The following GRID2 variants were observed in gnomAD, a reference collection of about 807,000 sequenced individuals.
GRID2 encodes glutamate ionotropic receptor delta type subunit 2, also known as glutamate receptor ionotropic, delta-2.
A neutral mutation model predicts 114.8 loss-of-function variants in GRID2; 33 were observed. The ratio of observed to expected loss-of-function variants is 0.29; its 90% confidence interval spans 0.22 to 0.38. The LOEUF (loss-of-function observed/expected upper bound fraction) is 0.38. Among genes scored for constraint, GRID2 ranks in the 10% least tolerant of loss-of-function variants. GRID2 has a pLI of 1.00. For synonymous variants in GRID2, 505 were observed against 449.9 expected (o/e 1.12, Z -1.55); for missense variants, 1,184 against 1,257.7 (o/e 0.94, Z 0.89).
intron 4 of GRID2, among the ~76,000 whole-genome samples, chr4:93,157,812 C>T (rs1737319973): frequency 6.6e-6 from 1 of 151,642 alleles, no homozygotes; most frequent in Admixed American, 6.6e-5. Context: ...ATCATAAAGG[C>T]TGTATGATAA....
chr4:92,768,348 G>A (rs908997063), intron 2 of GRID2, among the ~76,000 whole-genome samples: 5 of 151,964 alleles, frequency 3.3e-5, no homozygotes, highest in African/African-American at 4.8e-5. Flanking sequence ...CATCCAATCC[G>A]GGCTGGTACT....
chr4:93,089,344 G>T (rs567873325), intron 3 of GRID2, among the ~76,000 whole-genome samples: 1 of 152,240 alleles, frequency 6.6e-6, no homozygotes, highest in South Asian at 2.1e-4. Flanking sequence ...CAATTAGGAA[G>T]GTTTACTTAT....
chr4:92,924,168 A>G (rs1395038875), intron 2 of GRID2, among the ~76,000 whole-genome samples: 1 of 152,108 alleles, frequency 6.6e-6, no homozygotes, highest in Non-Finnish European at 1.5e-5. Context: ...CAAACACCAC[A>G]TGTTCTCACT....
intron 8 of GRID2, among the ~76,000 whole-genome samples, chr4:93,375,721 A>G (rs1271401744): frequency 1.3e-5 from 2 of 152,184 alleles, no homozygotes; most frequent in African/African-American, 4.8e-5. Context: ...TTGTGTGAAA[A>G]CAAACTCTAC....
At chr4:92,630,354 C>G (rs1218382060) in intron 2 of GRID2, among the ~76,000 whole-genome samples, 1 of 152,128 alleles carries the variant, frequency 6.6e-6, no homozygotes, top group Admixed American at 6.6e-5. Context: ...CTTCTTATAT[C>G]TCAGTTATTT....
intron 2 of GRID2, among the ~76,000 whole-genome samples, chr4:92,965,580 A>T (rs1039245177): frequency 2.7e-5 from 4 of 149,810 alleles, no homozygotes; most frequent in Non-Finnish European, 5.9e-5. Flanking sequence ...TTGAGAGTAG[A>T]TGTTTACCTT....
chr4:93,125,495 C>A (rs960061103), intron 4 of GRID2, among the ~76,000 whole-genome samples: 4 of 152,060 alleles, frequency 2.6e-5, no homozygotes, highest in African/African-American at 9.7e-5. Context: ...TAAGTTGTTA[C>A]TTCCAATATT....
chr4:92,767,190 C>A (rs1317618931), intron 2 of GRID2, among the ~76,000 whole-genome samples: 1 of 152,272 alleles, frequency 6.6e-6, no homozygotes, highest in Admixed American at 6.5e-5. Context: ...CTGGTTTCAG[C>A]CATACCCTTG....
intron 9 of GRID2, 88 bp downstream of exon 9, chr4:93,395,796 A>G (rs1765274407): frequency 1.7e-6 from 1 of 599,254 alleles, no homozygotes; most frequent in African/African-American, 1.9e-5. Context: ...ACATAATCTT[A>G]AAAGAGATTT....
intron 2 of GRID2, among the ~76,000 whole-genome samples, chr4:92,994,196 G>A (rs1473036180): frequency 2.0e-5 from 3 of 152,124 alleles, no homozygotes; most frequent in Admixed American, 6.5e-5. Flanking sequence ...CTGAAACATA[G>A]CAATGAGGCC....
intron 1 of GRID2, among the ~76,000 whole-genome samples, chr4:92,396,683 T>A (rs1730506121): frequency 6.6e-6 from 1 of 152,038 alleles, no homozygotes; most frequent in African/African-American, 2.4e-5. Context: ...TTAAAGATGG[T>A]CAAAGCAAGA....
intron 8 of GRID2, among the ~76,000 whole-genome samples, chr4:93,244,580 AGATTATATAAT>A (rs1165906463): frequency 1.3e-4 from 5 of 37,684 alleles, no homozygotes; most frequent in African/African-American, 4.8e-4. Context: ...ATTAATTAAT[AGATTATATAAT>A]CTATTATATA....
At chr4:92,593,064 A>G (rs982009818) in intron 2 of GRID2, among the ~76,000 whole-genome samples, 2 of 152,024 alleles carry the variant, frequency 1.3e-5, no homozygotes, top group Admixed American at 1.3e-4. Flanking sequence ...TACAGTCTAA[A>G]GAAGGAAAAA....
intron 13 of GRID2, among the ~76,000 whole-genome samples, chr4:93,559,835 C>A (rs113314944): frequency 6.6e-6 from 1 of 151,988 alleles, no homozygotes; most frequent in African/African-American, 2.4e-5. Context: ...AACCCAAATG[C>A]GCATCAATTA....
intron 13 of GRID2, among the ~76,000 whole-genome samples, chr4:93,597,585 C>T (rs934446724): frequency 6.6e-6 from 1 of 152,274 alleles, no homozygotes; most frequent in Admixed American, 6.5e-5. Flanking sequence ...CTATAATTCC[C>T]TCAGAACCAT....
chr4:93,498,997 G>A (rs1307216469), intron 12 of GRID2, among the ~76,000 whole-genome samples: 1 of 151,820 alleles, frequency 6.6e-6, no homozygotes, highest in East Asian at 1.9e-4. Flanking sequence ...ATAGGTGTTG[G>A]ATTTTGACAA....
intron 13 of GRID2, among the ~76,000 whole-genome samples, chr4:93,597,437 C>G (rs562161767): frequency 6.6e-6 from 1 of 152,118 alleles, no homozygotes; most frequent in African/African-American, 2.4e-5. Flanking sequence ...AAGAGACTTA[C>G]CAGCTTCTCC....
intron 14 of GRID2, among the ~76,000 whole-genome samples, chr4:93,739,513 G>A (rs1007969187): frequency 6.6e-6 from 1 of 152,068 alleles, no homozygotes. Context: ...AAAAAACATG[G>A]GATTATCCCA....
intron 1 of GRID2, among the ~76,000 whole-genome samples, chr4:93,795,216 AGT>A (rs1734773681): frequency 6.6e-6 from 1 of 152,122 alleles, no homozygotes; most frequent in Non-Finnish European, 1.5e-5. Context: ...AGTATATAGT[AGT>A]GTGACTATAA....
Sources: allele counts gnomAD v4.1 joint callset (sites outside exome capture counted in the v4.1 genomes callset), GRCh38; gene constraint gnomAD v4.1.1; transcripts MANE v1.5; gene names NCBI Gene and HGNC (gene_info 2026-07-23, HGNC 2026-07-21).